Variants in ISY1 observed in about 807,000 individuals in gnomAD.
ISY1 encodes ISY1 spliceosome associated protein, also known as pre-mRNA-splicing factor ISY1 homolog.
ISY1 carries 12 observed loss-of-function variants against 54.4 expected under a neutral mutation model. The observed-to-expected ratio is 0.22, with a 90% confidence interval of 0.14 to 0.36. ISY1 has a LOEUF of 0.36. ISY1 is among the 10% of genes least tolerant of loss of function. The pLI, the probability that ISY1 is intolerant of heterozygous loss-of-function variation, is 1.00. For missense variants in ISY1, 282 were observed against 342.2 expected (o/e 0.82, Z 1.39); for synonymous variants, 96 against 117.9 (o/e 0.81, Z 1.20).
chr3:129,159,140 A>T lies in ISY1; in HGVS notation c.26+14T>A, dbSNP rs2107622516. 1 of 1,604,826 alleles carries T rather than the reference A, an allele frequency of 6.2e-7. No individual in the cohort carries two copies. On this transcript the variant is annotated intron_variant, in intron 2 of 10. Coordinates refer to ENST00000393295, the MANE Select transcript of ISY1 (RefSeq NM_020701.4). ...TTACAAAAAATTTACAGCCAAAAACAAGTTGATACTTACATGGCCTTTTCT... is the reference window on the plus strand; with the variant it reads ...TTACAAAAAATTTACAGCCAAAAACTAGTTGATACTTACATGGCCTTTTCT...
At chr3:129,151,360 G>A (rs1477336099) in intron 5 of ISY1, among the ~76,000 whole-genome samples, 1 of 151,940 alleles carries the variant, frequency 6.6e-6, no homozygotes, top group African/African-American at 2.4e-5. Context: ...TGGGCATGGT[G>A]GCTCATGCCT....
At chr3:129,152,793 A>G (rs1156531430) in intron 5 of ISY1, among the ~76,000 whole-genome samples, 1 of 152,172 alleles carries the variant, frequency 6.6e-6, no homozygotes, top group Non-Finnish European at 1.5e-5. Flanking sequence ...ATTTCTCATA[A>G]TATCTTTTTC....
intron 5 of ISY1, among the ~76,000 whole-genome samples, chr3:129,155,756 T>C (rs972818461): frequency 1.6e-4 from 25 of 152,024 alleles, no homozygotes; most frequent in Admixed American, 1.4e-3. Flanking sequence ...AGTTTCACTC[T>C]TGTTGCTGAA....
In ISY1 at chr3:129,155,234, T is replaced by G. The variant is rs1937101197; in HGVS notation, c.187+1399A>C. Among the ~76,000 whole-genome samples, 5 of 151,626 alleles carry G rather than the reference T, an allele frequency of 3.3e-5. No homozygotes were observed. The South Asian group carries it at 1.1e-3, about 32-fold the overall frequency. Reference sequence around the variant, plus strand: ...GTTTGTTTGTTTGTTTGTTTTGAGATGGAGTCCTGGAGTGCAGTGGCACGA... The same window carrying G: ...GTTTGTTTGTTTGTTTGTTTTGAGAGGGAGTCCTGGAGTGCAGTGGCACGA... On this transcript the variant is annotated intron_variant, in intron 5 of 10. Coordinates refer to ENST00000393295, the MANE Select transcript of ISY1 (RefSeq NM_020701.4).
At chr3:129,149,608 A>AAAAAATAT (rs1936882832) in intron 5 of ISY1, among the ~76,000 whole-genome samples, 1 of 67,478 alleles carries the variant, frequency 1.5e-5, no homozygotes, top group African/African-American at 7.1e-5. Flanking sequence ...AAAAAAAAAA[A>AAAAAATAT]AAATATATAT....
intron 7 of ISY1, among the ~76,000 whole-genome samples, chr3:129,138,891 G>A (rs1056871100): frequency 2.0e-5 from 3 of 151,908 alleles, no homozygotes; most frequent in Non-Finnish European, 4.4e-5. Context: ...CATCACATAT[G>A]AGGTGTGAAA....
intron 5 of ISY1, among the ~76,000 whole-genome samples, chr3:129,150,043 C>A (rs1451629997): frequency 6.6e-6 from 1 of 151,144 alleles, no homozygotes; most frequent in Non-Finnish European, 1.5e-5. Context: ...ACTTCTAATT[C>A]TGTTTCTTTG....
At chr3:129,136,016 AAAG>A (rs914194503) in intron 7 of ISY1, among the ~76,000 whole-genome samples, 4 of 152,174 alleles carry the variant, frequency 2.6e-5, no homozygotes, top group African/African-American at 9.6e-5. Flanking sequence ...AAAAAAGACA[AAAG>A]AAGCTAGAAA....
At chr3:129,130,999 C>T (rs565028367) in intron 9 of ISY1, among the ~76,000 whole-genome samples, 1 of 152,164 alleles carries the variant, frequency 6.6e-6, no homozygotes, top group East Asian at 1.9e-4. Flanking sequence ...AAAGAATGTA[C>T]CATGCATAGA....
intron 5 of ISY1, among the ~76,000 whole-genome samples, chr3:129,146,238 G>A (rs1416116199): frequency 6.6e-6 from 1 of 152,140 alleles, no homozygotes; most frequent in Admixed American, 6.6e-5. Flanking sequence ...ACACAATGAG[G>A]CTGGGATACG....
At chr3:129,153,711 G>A (rs1368428287) in intron 5 of ISY1, among the ~76,000 whole-genome samples, 1 of 151,750 alleles carries the variant, frequency 6.6e-6, no homozygotes, top group Non-Finnish European at 1.5e-5. Flanking sequence ...GCTTGAACCC[G>A]GGAGGCAGAG....
rs1576895531 is a variant in ISY1 at position 129,158,406 on chromosome 3, A to G, written c.78+102T>C. On this transcript the variant is annotated intron_variant, in intron 3 of 10. Coordinates refer to ENST00000393295, the MANE Select transcript of ISY1 (RefSeq NM_020701.4). Reference sequence around the variant, plus strand: ...ACTCCTAGACTCAAGTGATCCACCCACCTCAGCCTCCCCAAGTATTGGGAT... The same window carrying G: ...ACTCCTAGACTCAAGTGATCCACCCGCCTCAGCCTCCCCAAGTATTGGGAT... 2.0e-6 allele frequency: 3 copies of G among 1,523,214 alleles called. No homozygotes were observed. The African/African-American group carries it at 4.1e-5, about 21-fold the overall frequency. The allele number at this position is 1,523,214 out of a possible 1,614,324, so 94.4% of individuals were successfully genotyped here. A position where few individuals can be genotyped will look rare whatever the true frequency, so the allele number is the denominator to read the frequency against.
At chr3:129,160,918 G>GCCCCGGGGGGGGGGGGGGGGGCCC in intron 1 of ISY1, 55 bp downstream of exon 1, 1 of 666,128 alleles carries the variant, frequency 1.5e-6, no homozygotes. Flanking sequence ...TGGACTGGGC[G>GCCCCGGGGGGGGGGGGGGGGGCCC]CCCCCCCGCC....
At chr3:129,159,973 T>C (rs907459503) in intron 1 of ISY1, among the ~76,000 whole-genome samples, 18 of 152,082 alleles carry the variant, frequency 1.2e-4, no homozygotes, top group Admixed American at 1.1e-3. Context: ...GCTTGGTAGA[T>C]AGGCAAACAC....
At chr3:129,142,115 G>C (rs1249016576) in intron 6 of ISY1, among the ~76,000 whole-genome samples, 1 of 149,724 alleles carries the variant, frequency 6.7e-6, no homozygotes, top group African/African-American at 2.5e-5. Flanking sequence ...TGGAGCACAA[G>C]AATCACTTGA....
chr3:129,138,305 C>T (rs1177120541), intron 7 of ISY1, among the ~76,000 whole-genome samples: 2 of 148,636 alleles, frequency 1.3e-5, no homozygotes, highest in Non-Finnish European at 3.0e-5. Flanking sequence ...TCGAGACCAC[C>T]CTGGCACCAA....
At chr3:129,135,020 G>C (rs1350650815) in intron 7 of ISY1, 66 bp from the exon 8 acceptor site, 1 of 1,533,660 alleles carries the variant, frequency 6.5e-7, no homozygotes, top group African/African-American at 1.4e-5. Context: ...GCTGTCTCCT[G>C]ATGCAACGCT....
intron 6 of ISY1, chr3:129,144,236 A>C (rs1201340820): frequency 2.8e-6 from 1 of 356,542 alleles, no homozygotes; most frequent in Non-Finnish European, 5.6e-6. Flanking sequence ...AAAATAAAAA[A>C]CAGCAAAAAT....
At chr3:129,139,563 T>C (rs527637412) in intron 7 of ISY1, among the ~76,000 whole-genome samples, 1 of 151,924 alleles carries the variant, frequency 6.6e-6, no homozygotes, top group African/African-American at 2.4e-5. Context: ...AGTTTCAAAT[T>C]ATATTCAGGA....
Sources: gnomAD v4.1 joint callset for allele counts (sites outside exome capture counted in the v4.1 genomes callset) on GRCh38, gnomAD v4.1.1 for gene constraint, MANE v1.5 for transcripts, NCBI Gene and HGNC (gene_info 2026-07-23, HGNC 2026-07-21) for gene names.